SMARCA2: variants seen among roughly 807,000 people sequenced by gnomAD.
SMARCA2 encodes the protein SWI/SNF-related matrix-associated actin-dependent regulator of chromatin subfamily A member 2.
SMARCA2 carries 61 observed loss-of-function variants against 199.8 expected under a neutral mutation model. The observed-to-expected ratio is 0.31, with a 90% confidence interval of 0.25 to 0.38. SMARCA2 has a LOEUF of 0.38. Ranked by LOEUF, SMARCA2 falls within the 10% of genes least tolerant of loss-of-function variation. The pLI, the probability that SMARCA2 is intolerant of heterozygous loss-of-function variation, is 1.00. For missense variants in SMARCA2, 1,344 were observed against 2,012.2 expected (o/e 0.67, Z 6.35); for synonymous variants, 935 against 732.0 (o/e 1.28, Z -4.48).
rs975324240 is a variant in SMARCA2, at chr9:2,151,407, C to A, written c.3982-10279C>A. 1.3e-5 allele frequency among the ~76,000 whole-genome samples: 2 copies of A among 151,550 alleles called. 1 individual carries two copies. The highest frequency in any genetic ancestry group is 3.0e-5 in the Non-Finnish European group (2 of 67,734). On this transcript the variant is annotated intron_variant, in intron 27 of 33. Coordinates refer to ENST00000349721, the MANE Select transcript of SMARCA2 (RefSeq NM_003070.5). The stretch of plus-strand genomic sequence containing the variant: ...TGGCAACAGGATAACGAAGACAGTA[C>A]AAGACCCAGGCCAGCATGAAGCTAC...
intron 28 of SMARCA2, among the ~76,000 whole-genome samples, chr9:2,163,682 G>C (rs1382046253): frequency 6.6e-6 from 1 of 152,174 alleles, no homozygotes; most frequent in Non-Finnish European, 1.5e-5. Flanking sequence ...TCTCTGACCA[G>C]ATGGGCTGTG....
intron 5 of SMARCA2, among the ~76,000 whole-genome samples, chr9:2,051,249 C>G (rs1820105435): frequency 6.6e-6 from 1 of 152,196 alleles, no homozygotes; most frequent in African/African-American, 2.4e-5. Context: ...ATGGAGTCTA[C>G]CTTTCCTCTT....
rs183792810 is a variant in SMARCA2, at chr9:2,089,566, C to T, written c.2883+953C>T. On this transcript the variant is annotated intron_variant, in intron 19 of 33. Transcript: ENST00000349721. ...ACTTTGTTACGAGAGAATTTTATTC[C>T]CTAATCCTTTATGCATTGTCAGAAA... 6.6e-5 allele frequency among the ~76,000 whole-genome samples: 10 copies of T among 152,086 alleles called. No individual in the cohort carries two copies. In the East Asian group the frequency reaches 1.9e-3, roughly 29 times the overall value.
intron 5 of SMARCA2, among the ~76,000 whole-genome samples, chr9:2,050,587 C>A (rs1056788624): frequency 6.6e-6 from 1 of 151,428 alleles, no homozygotes; most frequent in African/African-American, 2.4e-5. Context: ...GGTATATCCT[C>A]TTTGTGTCAG....
At chr9:2,189,746 G>T (rs1429005729) in intron 32 of SMARCA2, among the ~76,000 whole-genome samples, 1 of 151,966 alleles carries the variant, frequency 6.6e-6, no homozygotes, top group Non-Finnish European at 1.5e-5. Context: ...GTACTATTTT[G>T]TGTATTAGGA....
At chr9:2,154,208 C>T (rs904385265) in intron 27 of SMARCA2, among the ~76,000 whole-genome samples, 4 of 152,088 alleles carry the variant, frequency 2.6e-5, no homozygotes, top group African/African-American at 9.7e-5. Flanking sequence ...ACTAAATGTA[C>T]CCAAAGCACT....
In SMARCA2 at chr9:2,132,455, G is replaced by T. The variant is rs561744236; in HGVS notation, c.3981+8518G>T. Among the ~76,000 whole-genome samples the T allele has an allele frequency of 5.0e-4, 76 of 151,750 alleles. 6 individuals are homozygous for T. On this transcript the variant is annotated intron_variant, in intron 27 of 33. Transcript: ENST00000349721. ...TATTTTACACTGGCAAGATTTTTTTGTGGGGGGGGATCCTTTTTCTAAAGC... is the reference window on the plus strand; with the variant it reads ...TATTTTACACTGGCAAGATTTTTTTTTGGGGGGGGATCCTTTTTCTAAAGC...
chr9:2,082,568 G>T (rs1283637640), intron 15 of SMARCA2, among the ~76,000 whole-genome samples: 1 of 152,166 alleles, frequency 6.6e-6, no homozygotes, highest in African/African-American at 2.4e-5. Flanking sequence ...CTGCTAGGTG[G>T]TTCTTAGAAG....
chr9:2,098,902 G>T (rs770860796), intron 21 of SMARCA2, among the ~76,000 whole-genome samples: 1 of 150,758 alleles, frequency 6.6e-6, no homozygotes. Flanking sequence ...AGCCGAGATC[G>T]CACCATTGTA....
At chr9:2,073,379 G>A in intron 11 of SMARCA2, 37 bp downstream of exon 11, 1 of 1,611,440 alleles carries the variant, frequency 6.2e-7, no homozygotes, top group Admixed American at 1.7e-5. Context: ...TGTTCTTTTA[G>A]CTTTTTAGAT....
rs79259791 is a variant in SMARCA2, at chr9:2,175,641, A to C, written c.4253+5169A>C. ...ATATTTGACTTATGGCATGTTTTCAATGAAGGTAACCCAATTAAAGTGTTT... is the reference window on the plus strand; with the variant it reads ...ATATTTGACTTATGGCATGTTTTCACTGAAGGTAACCCAATTAAAGTGTTT... On this transcript the variant is annotated intron_variant, in intron 29 of 33. Coordinates refer to ENST00000349721, the MANE Select transcript of SMARCA2 (RefSeq NM_003070.5). Among the ~76,000 whole-genome samples, 1,493 of 152,330 alleles carry C rather than the reference A, an allele frequency of 9.8e-3. 14 individuals carry two copies. Among genetic ancestry groups the C allele is most frequent in the Non-Finnish European group, 0.015 (1,054 of 68,030 alleles).
chr9:2,033,235 C>T (rs1004409040), intron 3 of SMARCA2, 154 bp downstream of exon 3: 6 of 696,754 alleles, frequency 8.6e-6, no homozygotes, highest in Non-Finnish European at 1.4e-5. Context: ...TCCGTCCTCA[C>T]CAATACAACC....
intron 27 of SMARCA2, among the ~76,000 whole-genome samples, chr9:2,131,407 T>C (rs1823942191): frequency 6.6e-6 from 1 of 152,304 alleles, no homozygotes. Flanking sequence ...TCCTGTGCAG[T>C]TGGGCCCCAG....
intron 27 of SMARCA2, among the ~76,000 whole-genome samples, chr9:2,147,480 C>T (rs1824822035): frequency 6.6e-6 from 1 of 152,230 alleles, no homozygotes; most frequent in Non-Finnish European, 1.5e-5. Flanking sequence ...TTTGAGTAAA[C>T]TGGCTAGAAC....
At chr9:2,022,467 C>T (rs1266848287) in intron 1 of SMARCA2, among the ~76,000 whole-genome samples, 2 of 152,090 alleles carry the variant, frequency 1.3e-5, no homozygotes, top group Non-Finnish European at 1.5e-5. Context: ...GGCTATTATC[C>T]ATTTTAACTG....
At position 2,169,060 on chromosome 9, in the gene SMARCA2, G is replaced by C. The variant is rs528783980; in HGVS notation, c.4200-1359G>C. On this transcript the variant is annotated intron_variant, in intron 28 of 33. Transcript: ENST00000349721. This position sits in a 1 kb window ranked among gnomAD's most constrained non-coding sequence, Gnocchi z 6.5. ...TTGGTCAGCACCATCATTAGCCCAA[G>C]GTCCTAAAAGTGAAATAATGAAGAC... 1.3e-5 allele frequency among the ~76,000 whole-genome samples: 2 copies of C among 152,110 alleles called. No individual in the cohort carries two copies. Among genetic ancestry groups the C allele is most frequent in the African/African-American group, 2.4e-5 (1 of 41,392 alleles).
chr9:2,112,031 C>T (rs1057286754), intron 24 of SMARCA2, among the ~76,000 whole-genome samples: 3 of 152,314 alleles, frequency 2.0e-5, no homozygotes, highest in South Asian at 4.1e-4. Context: ...TTTATAAATA[C>T]ATAAAAGTGT....
chr9:2,121,731 G>C (rs899439714), intron 26 of SMARCA2, among the ~76,000 whole-genome samples: 1 of 152,126 alleles, frequency 6.6e-6, no homozygotes, highest in Non-Finnish European at 1.5e-5. Flanking sequence ...TTTAAAAAAA[G>C]CATGTCTTGC....
rs924146475 is a variant in SMARCA2 at position 2,115,477 on chromosome 9, T to A, written c.3457-345T>A. The stretch of plus-strand genomic sequence containing the variant: ...CTTAAGGTTAGTTGTAGGTGTTATG[T>A]AAGTCATAATTCTGACATTGGACAT... On this transcript the variant is annotated intron_variant, in intron 24 of 33. Coordinates refer to ENST00000349721, the MANE Select transcript of SMARCA2 (RefSeq NM_003070.5). The surrounding 1 kb of genome is among the most constrained non-coding windows in gnomAD (Gnocchi z 6.0). Among the ~76,000 whole-genome samples the A allele has an allele frequency of 1.3e-5, 2 of 152,238 alleles. No individual in the cohort carries two copies. The highest frequency in any genetic ancestry group is 4.8e-5 in the African/African-American group (2 of 41,460).
Sources: gnomAD v4.1 joint callset for allele counts (sites outside exome capture counted in the v4.1 genomes callset) on GRCh38, gnomAD v4.1.1 for gene constraint, Gnocchi (gnomAD v3.1) non-coding constraint, MANE v1.5 for transcripts, NCBI Gene and HGNC (gene_info 2026-07-23, HGNC 2026-07-21) for gene names.